ATP5MJ: variants seen among roughly 807,000 people sequenced by gnomAD.
ATP5MJ encodes ATP synthase F(0) complex subunit j, mitochondrial.
In ATP5MJ, 4 loss-of-function variants were observed where a neutral mutation model predicts 8.3. That is an observed-to-expected ratio of 0.48 (90% CI 0.24 to 1.11). ATP5MJ has a LOEUF of 1.11. Among genes scored for constraint, ATP5MJ ranks in the 50% least tolerant of loss-of-function variants. The pLI is 0.18. For synonymous variants in ATP5MJ, 23 were observed against 21.3 expected (o/e 1.08, Z -0.23); for missense variants, 66 against 71.8 (o/e 0.92, Z 0.29).
At chr14:103,914,546 A>G in intron 2 of ATP5MJ, 1 of 690,538 alleles carries the variant, frequency 1.4e-6, no homozygotes, top group Non-Finnish European at 2.7e-6. Context: ...ACGCTTGTTA[A>G]TTCCAGCACT....
intron 1 of ATP5MJ, among the ~76,000 whole-genome samples, chr14:103,918,276 G>C (rs940035722): frequency 7.2e-5 from 11 of 152,178 alleles, no homozygotes; most frequent in African/African-American, 2.7e-4. Flanking sequence ...GGGTTTGGAA[G>C]CCTGGGAATC....
rs1046862560 is a variant in ATP5MJ, at chr14:103,912,508, G to A, written c.*158C>T. 6.5e-6 allele frequency: 5 copies of A among 764,212 alleles called. No homozygotes were observed. The highest frequency in any genetic ancestry group is 8.9e-6 in the Non-Finnish European group (4 of 449,112). The allele number at this position is 764,212 out of a possible 1,614,324, so 47.3% of individuals were successfully genotyped here. ...GGGGAACACACTGAAAGCAGTACCA[G>A]GTAGCAGTGCATCTCACAGATCCAT... On this transcript the variant is annotated 3_prime_UTR_variant, in exon 4 of 4. Coordinates refer to ENST00000286953, the MANE Select transcript of ATP5MJ (RefSeq NM_004894.3).
intron 1 of ATP5MJ, among the ~76,000 whole-genome samples, chr14:103,915,963 A>G (rs1248339862): frequency 6.6e-6 from 1 of 152,166 alleles, no homozygotes; most frequent in Non-Finnish European, 1.5e-5. Context: ...AAATCGAAAA[A>G]TTAGTATCTT....
At chr14:103,914,104 A>G in intron 2 of ATP5MJ, 120 bp from the exon 3 acceptor site, 1 of 878,656 alleles carries the variant, frequency 1.1e-6, no homozygotes, top group East Asian at 2.6e-5. Flanking sequence ...GGAAGCTTTC[A>G]GAAAATGTCT....
chr14:103,917,708 CAGGGA>C lies in ATP5MJ; in HGVS notation c.1-2524_1-2520del, dbSNP rs1390462890. Among the ~76,000 whole-genome samples the C allele has an allele frequency of 2.0e-5, 3 of 152,322 alleles. No homozygotes were observed. In the East Asian group the frequency reaches 5.8e-4, roughly 29 times the overall value. On this transcript the variant is annotated intron_variant, in intron 1 of 3. Transcript: ENST00000286953. Reference sequence around the variant, plus strand: ...TGGGGAGGCCAGGCCGGAGCTACAGCAGGGACTGCCCTGATTGTGGTTAGTTCTGT... The same window carrying C: ...TGGGGAGGCCAGGCCGGAGCTACAGCCTGCCCTGATTGTGGTTAGTTCTGT...
At chr14:103,919,564 G>A (rs2087655946) in intron 1 of ATP5MJ, among the ~76,000 whole-genome samples, 1 of 152,056 alleles carries the variant, frequency 6.6e-6, no homozygotes, top group South Asian at 2.1e-4. Flanking sequence ...GTAAGATGAG[G>A]GTCTATAAGG....
chr14:103,917,148 G>A (rs2087631983), intron 1 of ATP5MJ, among the ~76,000 whole-genome samples: 1 of 152,180 alleles, frequency 6.6e-6, no homozygotes, highest in Non-Finnish European at 1.5e-5. Context: ...CGGAGAGCTG[G>A]AAGGAATAGG....
In ATP5MJ at chr14:103,912,669, G is replaced by A. The variant is rs780587826; in HGVS notation, c.174C>T (p.His58=). ...CATGTACTCCAAGTAAATCTGGTTAGTGATGACCAGGAGCAGGCGCTGAAG... is the reference window on the plus strand; with the variant it reads ...CATGTACTCCAAGTAAATCTGGTTAATGATGACCAGGAGCAGGCGCTGAAG... ...LKASAPAPGH[H] Residue 58 remains histidine, a synonymous_variant, in exon 4 of 4, where the codon CAC becomes CAT. Transcript: ENST00000286953. The A allele has an allele frequency of 1.9e-6, 3 of 1,614,042 alleles. No individual in the cohort carries two copies. The highest frequency in any genetic ancestry group is 2.5e-6 in the Non-Finnish European group (3 of 1,179,908).
Position 103,915,103 on chromosome 14 carries a change from C to A in ATP5MJ, c.87G>T (p.Gly29=), listed in dbSNP as rs759604495. ...TTTTATAAACGATGAAGCCCATCAG[C>A]CCCATTCCTATCCAAATCTCCTGGT... ...KVYQEIWIGM[G]LMGFIVYKIR... The change falls in exon 2 of 4, where the codon GGG becomes GGT. Residue 29 remains glycine, a synonymous_variant. Transcript: ENST00000286953. 9.3e-6 allele frequency: 15 copies of A among 1,613,948 alleles called. No homozygotes were observed. The African/African-American group carries it at 1.9e-4, about 20-fold the overall frequency.
chr14:103,912,363 A>G lies in ATP5MJ; in HGVS notation c.*303T>C, dbSNP rs2087587007. 2.8e-6 allele frequency: 1 copy of G among 357,422 alleles called. No individual in the cohort carries two copies. The highest frequency in any genetic ancestry group is 5.1e-6 in the Non-Finnish European group (1 of 197,162). The allele number at this position is 357,422 out of a possible 1,614,324, so 22.1% of individuals were successfully genotyped here. A position where few individuals can be genotyped will look rare whatever the true frequency, so the allele number is the denominator to read the frequency against. On this transcript the variant is annotated 3_prime_UTR_variant, in exon 4 of 4. Coordinates refer to ENST00000286953, the MANE Select transcript of ATP5MJ (RefSeq NM_004894.3). ...GTGAGTGCCTGGATCCTGATCACCA[A>G]GTCCTGTACAACTGAGGTAATTATT...
chr14:103,918,068 C>T (rs79471398), intron 1 of ATP5MJ: 3,465 of 152,396 alleles, frequency 0.023, 75 homozygotes, highest in East Asian at 0.063. Context: ...CTCAAATTTC[C>T]TGTCCTCAAG....
intron 2 of ATP5MJ, chr14:103,914,248 T>C: frequency 1.8e-6 from 1 of 563,690 alleles, no homozygotes; most frequent in East Asian, 2.9e-5. Flanking sequence ...TTCTCTTTTC[T>C]CTTTGTAATC....
At position 103,912,637 on chromosome 14, in the gene ATP5MJ, T is replaced by C. The variant is rs1472757169; in HGVS notation, c.*29A>G. ...GAAATTTACAGGCAGACTGACGTTT[T>C]CTTTCACATGTACTCCAAGTAAATC... is the stretch of plus-strand genomic sequence containing the variant. On this transcript the variant is annotated 3_prime_UTR_variant, in exon 4 of 4. Coordinates refer to ENST00000286953, the MANE Select transcript of ATP5MJ (RefSeq NM_004894.3). 1.2e-6 allele frequency: 2 copies of C among 1,612,340 alleles called. No homozygotes were observed. The highest frequency in any genetic ancestry group is 1.7e-6 in the Non-Finnish European group (2 of 1,178,968).
chr14:103,914,878 ATTCCCC>A, intron 2 of ATP5MJ, 182 bp downstream of exon 2: 3 of 611,534 alleles, frequency 4.9e-6, no homozygotes, highest in South Asian at 2.8e-5. Flanking sequence ...GAAAAAAAAA[ATTCCCC>A]ACTGTCCCCA....
chr14:103,913,880 T>A, intron 3 of ATP5MJ, 81 bp downstream of exon 3: 1 of 1,510,744 alleles, frequency 6.6e-7, no homozygotes, highest in Non-Finnish European at 9.2e-7. Flanking sequence ...CGATTTCAAT[T>A]GAGAACAACG....
At chr14:103,916,330 A>G (rs747275870) in intron 1 of ATP5MJ, among the ~76,000 whole-genome samples, 2 of 152,222 alleles carry the variant, frequency 1.3e-5, no homozygotes, top group Non-Finnish European at 2.9e-5. Flanking sequence ...CGCAAATTAG[A>G]TGCCCTCATT....
chr14:103,919,363 A>AGCGCG (rs2087653054), intron 1 of ATP5MJ, among the ~76,000 whole-genome samples: 1 of 149,920 alleles, frequency 6.7e-6, no homozygotes. Context: ...CCTGGGCAAC[A>AGCGCG]AGACACTCCC....
chr14:103,916,432 T>C (rs567333619), intron 1 of ATP5MJ, among the ~76,000 whole-genome samples: 19 of 152,324 alleles, frequency 1.2e-4, no homozygotes, highest in South Asian at 4.1e-4. Context: ...CACTTCTCAT[T>C]TCACTTGGAA....
chr14:103,916,318 ACC>A (rs2087625589), intron 1 of ATP5MJ, among the ~76,000 whole-genome samples: 1 of 152,210 alleles, frequency 6.6e-6, no homozygotes, highest in Non-Finnish European at 1.5e-5. Flanking sequence ...TCTACTATAG[ACC>A]GCAAATTAGA....
Sources: allele counts gnomAD v4.1 joint callset (sites outside exome capture counted in the v4.1 genomes callset), GRCh38; gene constraint gnomAD v4.1.1; transcripts MANE v1.5; gene names NCBI Gene and HGNC (gene_info 2026-07-23, HGNC 2026-07-21).